Variants in FANCD2 observed in about 807,000 individuals in gnomAD.
The protein encoded by FANCD2 is Fanconi anemia group D2 protein.
Under a neutral mutation model 192.3 loss-of-function variants are expected in FANCD2, and 131 were observed. That is an observed-to-expected ratio of 0.68 (90% confidence interval 0.59 to 0.79). The LOEUF (loss-of-function observed/expected upper bound fraction) is 0.79, where lower values mean the gene tolerates loss of function less well. Ranked by LOEUF, FANCD2 falls within the 30% of genes least tolerant of loss-of-function variation. FANCD2 has a pLI of 0.00. For synonymous variants in FANCD2, 524 were observed against 612.5 expected, an observed-to-expected ratio of 0.86 and a Z score of 2.13; for missense variants, 1,508 against 1,701.6, an observed-to-expected ratio of 0.89 and a Z score of 2.00.
At chr3:10,067,815 A>C (rs1213131897) in intron 26 of FANCD2, among the ~76,000 whole-genome samples, 3 of 152,192 alleles carry the variant, frequency 2.0e-5, no homozygotes, top group Non-Finnish European at 4.4e-5. Flanking sequence ...AAACAAAAGA[A>C]AGATTATTCA....
intron 26 of FANCD2, among the ~76,000 whole-genome samples, chr3:10,070,539 G>A (rs1308163877): frequency 3.0e-4 from 41 of 136,378 alleles, no homozygotes; most frequent in African/African-American, 1.1e-3. Context: ...CAGCCGCCCC[G>A]TCCGGGAGGT....
Position 10,043,137 on chromosome 3 carries a change from A to G in FANCD2, c.976A>G (p.Lys326Glu), listed in dbSNP as rs183778817. The G allele has an allele frequency of 2.5e-5, 41 of 1,614,060 alleles. No individual in the cohort carries two copies. The highest frequency in any genetic ancestry group is 2.5e-4 in the South Asian group (23 of 91,076). ...LQASQVKLKS[K>E]GRASSSGNQE... ...GGCTTCCCAAGTAAAGTTGAAAAGT[A>G]AAGGACGAGCAAGGTAAAGAGCTCA... The change falls in exon 12 of 44, where the codon AAA becomes GAA. Residue 326 changes from lysine to glutamate, a missense_variant. This residue lies in a region of FANCD2 where 435 missense variants were observed against 421.9 expected (regional missense o/e 1.03). Transcript: ENST00000675286.
At chr3:10,088,050 A>G (rs1444792715) in intron 34 of FANCD2, among the ~76,000 whole-genome samples, 1 of 152,144 alleles carries the variant, frequency 6.6e-6, no homozygotes, top group East Asian at 1.9e-4. Context: ...ACAAACCTTT[A>G]TTTATCCCTA....
intron 2 of FANCD2, among the ~76,000 whole-genome samples, chr3:10,031,501 CA>C (rs796241281): frequency 0.3 from 26,207 of 86,800 alleles, 2,289 homozygotes; most frequent in African/African-American, 0.4. Flanking sequence ...GACTCCATTT[CA>C]AAAAAAAAAA....
At chr3:10,073,147 C>T in intron 27 of FANCD2, 106 bp from the exon 28 acceptor site, 1 of 969,700 alleles carries the variant, frequency 1.0e-6, no homozygotes, top group Non-Finnish European at 1.6e-6. Context: ...AAAATTACCT[C>T]TTCTACCTCT....
At position 10,090,376 on chromosome 3, in the gene FANCD2, C is replaced by T. The variant is rs368684162; in HGVS notation, c.3768C>T (p.Asp1256=). ...AAATTGAGCCTGGCACAGCAGCAGA[C>T]TCGCAGCAGGTGAGTAAGATAATAG... ...VKKIEPGTAA[D]SQQIHEEKLL... The change falls in exon 37 of 44, where the codon GAC becomes GAT. Residue 1256 remains aspartate, a synonymous_variant. Coordinates refer to ENST00000675286, the MANE Select transcript of FANCD2 (RefSeq NM_001018115.3). 5 of 1,607,096 alleles carry T rather than the reference C, an allele frequency of 3.1e-6. No individual in the cohort carries two copies. The African/African-American group carries it at 5.4e-5, about 17-fold the overall frequency.
intron 34 of FANCD2, among the ~76,000 whole-genome samples, chr3:10,087,792 G>T (rs1468258950): frequency 6.6e-6 from 1 of 151,984 alleles, no homozygotes; most frequent in African/African-American, 2.4e-5. Flanking sequence ...GGGATTACAG[G>T]TGCGCACCAC....
At chr3:10,079,574 C>T (rs1196464146) in intron 30 of FANCD2, among the ~76,000 whole-genome samples, 3 of 152,164 alleles carry the variant, frequency 2.0e-5, no homozygotes, top group East Asian at 1.9e-4. Flanking sequence ...AATCCGCCCA[C>T]CTCGGCCTCC....
At chr3:10,088,114 G>T (rs1694342628) in intron 34 of FANCD2, among the ~76,000 whole-genome samples, 1 of 152,130 alleles carries the variant, frequency 6.6e-6, no homozygotes, top group Non-Finnish European at 1.5e-5. Flanking sequence ...ACTGCTATTG[G>T]CCAGCCCAGG....
At chr3:10,091,930 G>C (rs1446703258) in intron 37 of FANCD2, among the ~76,000 whole-genome samples, 1 of 152,148 alleles carries the variant, frequency 6.6e-6, no homozygotes, top group Non-Finnish European at 1.5e-5. Context: ...ATGTTGCAAA[G>C]GCTTTTACTT....
chr3:10,069,572 C>T (rs2087820908), intron 26 of FANCD2, among the ~76,000 whole-genome samples: 2 of 151,066 alleles, frequency 1.3e-5, no homozygotes, highest in South Asian at 4.2e-4. Context: ...CCTGATTCTC[C>T]TGCCTCAGCC....
intron 5 of FANCD2, among the ~76,000 whole-genome samples, 166 bp from the exon 6 acceptor site, chr3:10,035,007 C>CT (rs1291738719): frequency 2.6e-5 from 4 of 152,214 alleles, no homozygotes; most frequent in Admixed American, 2.0e-4. Context: ...TTTCAAATCT[C>CT]TACCTCTCCC....
At chr3:10,088,363 G>C (rs1694362025) in intron 34 of FANCD2, 86 bp from the exon 35 acceptor site, 2 of 866,094 alleles carry the variant, frequency 2.3e-6, no homozygotes, top group Non-Finnish European at 4.0e-6. Context: ...TAATCCTTTT[G>C]ATCAATAATC....
At chr3:10,065,525 C>T in intron 24 of FANCD2, 31 bp downstream of exon 24, 1 of 1,379,254 alleles carries the variant, frequency 7.3e-7, no homozygotes, top group East Asian at 2.3e-5. Flanking sequence ...ATCCTTTCTT[C>T]TTTATACTCT....
At chr3:10,041,842 CTTTT>C (rs201603399) in intron 10 of FANCD2, 132 bp downstream of exon 10, 396 of 544,230 alleles carry the variant, frequency 7.3e-4, no homozygotes, top group Middle Eastern at 1.5e-3. Context: ...TGATATCTCT[CTTTT>C]TTTTTTTTTT....
chr3:10,076,309 G>A (rs1227179080), intron 29 of FANCD2, among the ~76,000 whole-genome samples: 1 of 151,070 alleles, frequency 6.6e-6, no homozygotes, highest in Non-Finnish European at 1.5e-5. Context: ...CAAACCCTGT[G>A]TGTGGCATTC....
chr3:10,064,224 A>C (rs1283636739), intron 21 of FANCD2, 132 bp from the exon 22 acceptor site: 2 of 829,524 alleles, frequency 2.4e-6, no homozygotes, highest in African/African-American at 3.3e-5. Context: ...ACTTCACAAT[A>C]GTGAGATATT....
chr3:10,041,570 C>G, intron 9 of FANCD2, 53 bp from the exon 10 acceptor site: 2 of 1,208,994 alleles, frequency 1.7e-6, no homozygotes, highest in Non-Finnish European at 2.5e-6. Flanking sequence ...TCATTGTCTG[C>G]CCAGCTCTGT....
Position 10,081,449 on chromosome 3 carries a change from A to T in FANCD2, c.3209A>T (p.His1070Leu), listed in dbSNP as rs759516610. ...SCYQRLLQIF[H>L]GLFAWSGFSQ... is the part of the protein sequence containing the mutation. Reference sequence around the variant, plus strand: ...TATCAGAGGCTGCTGCAGATTTTTCATGGGCTTTTTGCTTGGTAAGTATGT... The same window carrying T: ...TATCAGAGGCTGCTGCAGATTTTTCTTGGGCTTTTTGCTTGGTAAGTATGT... The change falls in exon 32 of 44, where the codon CAT becomes CTT. Residue 1070 changes from histidine to leucine, a missense_variant. Around this residue, in one of 5 missense-constraint regions of FANCD2, gnomAD observed 796 missense variants for 879.4 expected, o/e 0.91. Coordinates refer to ENST00000675286, the MANE Select transcript of FANCD2 (RefSeq NM_001018115.3). The T allele has an allele frequency of 8.7e-6, 14 of 1,612,856 alleles. No homozygotes were observed. Among genetic ancestry groups the T allele is most frequent in the African/African-American group, 4.0e-5 (3 of 74,916 alleles).
Sources: allele counts gnomAD v4.1 joint callset (sites outside exome capture counted in the v4.1 genomes callset), GRCh38; gene constraint gnomAD v4.1.1; regional missense constraint gnomAD v4.1.1; transcripts MANE v1.5; gene names NCBI Gene and HGNC (gene_info 2026-07-23, HGNC 2026-07-21).